MAP3K7CL: variants seen among roughly 807,000 people sequenced by gnomAD.
MAP3K7CL encodes MAP3K7 C-terminal-like protein.
In MAP3K7CL, 16 loss-of-function variants were observed where a neutral mutation model predicts 18.6. That is an observed-to-expected ratio of 0.86 (90% CI 0.58 to 1.31). MAP3K7CL has a LOEUF of 1.31. Among genes scored for constraint, MAP3K7CL ranks in the 50% most tolerant of loss-of-function variants. The pLI, the probability that MAP3K7CL is intolerant of heterozygous loss-of-function variation, is 0.00. For missense variants in MAP3K7CL, 163 were observed against 174.4 expected, an observed-to-expected ratio of 0.93 and a Z score of 0.37; for synonymous variants, 65 against 66.8, an observed-to-expected ratio of 0.97 and a Z score of 0.13.
chr21:29,137,776 A>G (rs929181134), intron 2 of MAP3K7CL, among the ~76,000 whole-genome samples: 3 of 152,180 alleles, frequency 2.0e-5, no homozygotes, highest in African/African-American at 7.2e-5. Context: ...TTTAGATAGC[A>G]ATAGACTAGG....
intron 4 of MAP3K7CL, among the ~76,000 whole-genome samples, chr21:29,112,957 T>C (rs4643617): frequency 0.52 from 78,765 of 151,976 alleles, 20,528 homozygotes; most frequent in East Asian, 0.64. Context: ...TACAGGCCTG[T>C]GCCACAACAC....
At chr21:29,123,821 G>A (rs1191415615) in intron 4 of MAP3K7CL, among the ~76,000 whole-genome samples, 1 of 151,990 alleles carries the variant, frequency 6.6e-6, no homozygotes, top group African/African-American at 2.4e-5. Context: ...GTACACACTG[G>A]GATATTAACA....
At chr21:29,131,621 T>C (rs1375063814) in intron 1 of MAP3K7CL, 5 of 152,212 alleles carry the variant, frequency 3.3e-5, no homozygotes, top group African/African-American at 1.2e-4. Flanking sequence ...TAGAATTACA[T>C]GATATGGACA....
chr21:29,110,324 A>G (rs1029081506), intron 4 of MAP3K7CL, among the ~76,000 whole-genome samples: 1 of 152,044 alleles, frequency 6.6e-6, no homozygotes, highest in African/African-American at 2.4e-5. Flanking sequence ...CACTTTCTGG[A>G]ATTTCTATAT....
chr21:29,084,778 A>C (rs949762271), upstream of MAP3K7CL, among the ~76,000 whole-genome samples: 2 of 152,342 alleles, frequency 1.3e-5, no homozygotes, highest in Admixed American at 6.5e-5. Flanking sequence ...GGTTACCAAA[A>C]ATCCTTCCAA....
intron 4 of MAP3K7CL, chr21:29,108,974 A>G: frequency 1.5e-6 from 2 of 1,358,960 alleles, no homozygotes; most frequent in African/African-American, 1.5e-5. Flanking sequence ...GTCAACTTGA[A>G]TCTGAATTCA....
chr21:29,130,224 G>A (rs1264952767), upstream of MAP3K7CL, among the ~76,000 whole-genome samples: 1 of 152,192 alleles, frequency 6.6e-6, no homozygotes, highest in Non-Finnish European at 1.5e-5. Flanking sequence ...AAATCCTAAT[G>A]CTGTATTCTT....
chr21:29,099,854 C>T (rs891517252), intron 4 of MAP3K7CL, among the ~76,000 whole-genome samples: 4 of 151,874 alleles, frequency 2.6e-5, no homozygotes, highest in Non-Finnish European at 1.5e-5. Flanking sequence ...GAGGCCGAGG[C>T]GGGCGGATCA....
intron 4 of MAP3K7CL, among the ~76,000 whole-genome samples, chr21:29,120,224 C>G (rs1327449078): frequency 2.0e-5 from 3 of 149,340 alleles, no homozygotes; most frequent in Non-Finnish European, 4.4e-5. Flanking sequence ...CTATTGGTAT[C>G]TTTGTGTCTT....
chr21:29,142,214 G>A (rs115773524), intron 2 of MAP3K7CL, among the ~76,000 whole-genome samples: 1,549 of 152,072 alleles, frequency 0.01, 23 homozygotes, highest in African/African-American at 0.035. Context: ...TCAGGTGTGC[G>A]CCACCATGCC....
chr21:29,124,353 C>CAAAAAAA (rs59499297), intron 4 of MAP3K7CL, among the ~76,000 whole-genome samples: 30 of 78,586 alleles, frequency 3.8e-4, no homozygotes, highest in African/African-American at 5.3e-4. Context: ...GACTCCGTCT[C>CAAAAAAA]AAAAAAAAAA....
At chr21:29,103,730 G>C (rs2086272916) in intron 4 of MAP3K7CL, among the ~76,000 whole-genome samples, 1 of 149,958 alleles carries the variant, frequency 6.7e-6, no homozygotes, top group Non-Finnish European at 1.5e-5. Flanking sequence ...GTGAGACTTT[G>C]TCTCAAAAAA....
rs1229746420 is a variant in MAP3K7CL, at chr21:29,141,804, G to A, written c.71-7385G>A. Among the ~76,000 whole-genome samples, 3 of 152,158 alleles carry A rather than the reference G, an allele frequency of 2.0e-5. No homozygotes were observed. In the East Asian group the frequency reaches 5.8e-4, roughly 29 times the overall value. On this transcript the variant is annotated intron_variant, in intron 2 of 4. Coordinates refer to ENST00000399928, the MANE Select transcript of MAP3K7CL (RefSeq NM_001286620.2). The stretch of plus-strand genomic sequence containing the variant: ...ATATTAAATAATTCACATCTCTAGT[G>A]TTTAATAAGCAGGAAGCAAAGTTTT...
intron 4 of MAP3K7CL, among the ~76,000 whole-genome samples, chr21:29,169,974 A>G (rs984995365): frequency 6.6e-6 from 1 of 152,334 alleles, no homozygotes; most frequent in Admixed American, 6.5e-5. Context: ...GATCTCTCTA[A>G]CTGTGGTCTT....
intron 4 of MAP3K7CL, among the ~76,000 whole-genome samples, chr21:29,172,128 T>C (rs2087849374): frequency 6.6e-6 from 1 of 151,996 alleles, no homozygotes; most frequent in South Asian, 2.1e-4. Flanking sequence ...CATTGATATA[T>C]TATTATTATT....
chr21:29,086,575 A>G (rs1007876467), intron 1 of MAP3K7CL, among the ~76,000 whole-genome samples: 1 of 152,230 alleles, frequency 6.6e-6, no homozygotes, highest in African/African-American at 2.4e-5. Context: ...CACTTCCGTG[A>G]TGAGCAGTGC....
chr21:29,138,462 G>C (rs189912778), intron 2 of MAP3K7CL, among the ~76,000 whole-genome samples: 2 of 152,332 alleles, frequency 1.3e-5, no homozygotes, highest in East Asian at 3.9e-4. Flanking sequence ...TCTCCAGCTA[G>C]AGGGAATTTA....
intron 2 of MAP3K7CL, among the ~76,000 whole-genome samples, chr21:29,139,095 A>G (rs2086946507): frequency 6.6e-6 from 1 of 152,200 alleles, no homozygotes; most frequent in South Asian, 2.1e-4. Context: ...TAAATAATAC[A>G]GTTTTCTCCT....
chr21:29,122,073 A>G (rs1479409524), intron 4 of MAP3K7CL: 1 of 152,216 alleles, frequency 6.6e-6, no homozygotes, highest in Non-Finnish European at 1.5e-5. Flanking sequence ...TGGTTTCTGG[A>G]AAGTGCTCCC....
Sources: gnomAD v4.1 joint callset for allele counts (sites outside exome capture counted in the v4.1 genomes callset) on GRCh38, gnomAD v4.1.1 for gene constraint, MANE v1.5 for transcripts, NCBI Gene and HGNC (gene_info 2026-07-23, HGNC 2026-07-21) for gene names.